The following LAMA1 variants were observed in gnomAD, a reference collection of about 807,000 sequenced individuals.
LAMA1 encodes the protein laminin subunit alpha-1.
A neutral mutation model predicts 348.7 loss-of-function variants in LAMA1; 219 were observed. That is an observed-to-expected ratio of 0.63 (90% confidence interval 0.56 to 0.70). The LOEUF is 0.70. LAMA1 is among the 30% of genes least tolerant of loss of function. The pLI is 0.00. For missense variants in LAMA1, 3,744 were observed against 3,888.0 expected (o/e 0.96, Z 0.99); for synonymous variants, 1,487 against 1,491.0 (o/e 1.00, Z 0.06).
Position 6,985,230 on chromosome 18 carries a change from T to C in LAMA1, c.5660+7A>G, listed in dbSNP as rs144775658. Reference sequence around the variant, plus strand: ...GCTCTTGAGTTCCCACAAAGGCGTGTTCCTACCTGTACAGAACATCTGCTA... The same window carrying C: ...GCTCTTGAGTTCCCACAAAGGCGTGCTCCTACCTGTACAGAACATCTGCTA... On this transcript the variant is annotated splice_region_variant and intron_variant, in intron 39 of 62. Transcript: ENST00000389658. 1.2e-3 allele frequency: 1,946 copies of C among 1,614,042 alleles called. 58 individuals carry two copies. The Admixed American group carries it at 0.031, about 26-fold the overall frequency.
chr18:6,955,625 T>C, intron 56 of LAMA1, 160 bp from the exon 57 acceptor site: 1 of 699,560 alleles, frequency 1.4e-6, no homozygotes, highest in Non-Finnish European at 2.6e-6. Context: ...GTTTAAATGA[T>C]GCACTCGCCA....
chr18:6,994,627 A>G (rs1308990572), intron 34 of LAMA1, among the ~76,000 whole-genome samples: 2 of 151,870 alleles, frequency 1.3e-5, no homozygotes, highest in Non-Finnish European at 2.9e-5. Flanking sequence ...GCATGTGTTG[A>G]TGGAGATTAG....
chr18:7,032,933 T>G (rs1476632256), intron 15 of LAMA1, 51 bp downstream of exon 15: 2 of 1,367,620 alleles, frequency 1.5e-6, no homozygotes, highest in Admixed American at 3.9e-5. Context: ...GTGCACTGTT[T>G]TCCCCTTAGG....
At chr18:7,110,888 T>TCC (rs35705241) in intron 1 of LAMA1, among the ~76,000 whole-genome samples, 4 of 143,060 alleles carry the variant, frequency 2.8e-5, no homozygotes, top group Non-Finnish European at 6.3e-5. Context: ...TTTTTTTCCC[T>TCC]CCCCCCCCCC....
At position 6,949,204 on chromosome 18, in the gene LAMA1, G is replaced by T. The variant is rs146003003; in HGVS notation, c.8453C>A (p.Ser2818Tyr). 1 of 1,614,196 alleles carries T rather than the reference G, an allele frequency of 6.2e-7. No individual in the cohort carries two copies. The highest frequency in any genetic ancestry group is 8.5e-7 in the Non-Finnish European group (1 of 1,180,034). The change falls in exon 59 of 63, where the codon TCT becomes TAT. Residue 2818 changes from serine (S) to tyrosine (Y), a missense_variant. Coordinates refer to ENST00000389658, the MANE Select transcript of LAMA1 (RefSeq NM_005559.4). ...KGFITVDGRESPMVTVVGDGT... is the reference protein window; with the variant it reads ...KGFITVDGREYPMVTVVGDGT... ...ATCTCCCACCACAGTCACCATGGGA[G>T]ACTCTCGGCCGTCGACAGTTATGAA... is the stretch of plus-strand genomic sequence containing the variant.
In LAMA1 at chr18:7,050,789, T is replaced by C. The variant is rs1338623969; in HGVS notation, c.493A>G (p.Ile165Val). The change falls in exon 4 of 63, where the codon ATA becomes GTA. Residue 165 changes from isoleucine (I) to valine (V), a missense_variant. By Grantham distance (29) the Ile-to-Val change is conservative (BLOSUM62 3). Around this residue, in one of 3 missense-constraint regions of LAMA1, gnomAD observed 1,529 missense variants for 1,689.4 expected, o/e 0.91. Coordinates refer to ENST00000389658, the MANE Select transcript of LAMA1 (RefSeq NM_005559.4). ...SDSECLSRYN[I>V]TPRRGPPTYR... ...GTGGGTGGCCCTCGTCTTGGAGTTA[T>C]ATTGTAACGAGACAAACACTCTGAG... is the stretch of plus-strand genomic sequence containing the variant. 6 of 1,614,176 alleles carry C rather than the reference T, an allele frequency of 3.7e-6. No homozygotes were observed. Among genetic ancestry groups the C allele is most frequent in the East Asian group, 2.2e-5 (1 of 44,888 alleles).
At chr18:7,016,795 T>C in intron 20 of LAMA1, 124 bp from the exon 21 acceptor site, 2 of 841,598 alleles carry the variant, frequency 2.4e-6, no homozygotes. Flanking sequence ...CATGACACCA[T>C]CCCCATCCCT....
chr18:7,002,275 G>C lies in LAMA1; in HGVS notation c.4371C>G (p.Ser1457Arg), dbSNP rs2057810988. The change falls in exon 30 of 63, where the codon AGC becomes AGG. Residue 1457 changes from serine (S) to arginine (R), a missense_variant. Coordinates refer to ENST00000389658, the MANE Select transcript of LAMA1 (RefSeq NM_005559.4). ...CTGTGGGGACTCACCTGGCAGGAGGGCTGTGAGGACAGGCACACAGAGCAC... is the reference window on the plus strand; with the variant it reads ...CTGTGGGGACTCACCTGGCAGGAGGCCTGTGAGGACAGGCACACAGAGCAC... ...SDCALCACPH[S>R]PPASFSPTCV... 6.2e-7 allele frequency: 1 copy of C among 1,612,276 alleles called. No individual in the cohort carries two copies. Among genetic ancestry groups the C allele is most frequent in the African/African-American group, 1.3e-5 (1 of 75,058 alleles).
At chr18:6,998,332 C>A (rs2057792277) in intron 32 of LAMA1, among the ~76,000 whole-genome samples, 1 of 152,152 alleles carries the variant, frequency 6.6e-6, no homozygotes, top group African/African-American at 2.4e-5. Context: ...GCCAGGGAAG[C>A]AAAGGCAAGG....
Position 7,085,164 on chromosome 18 carries a change from C to T in LAMA1, c.62-4707G>A, listed in dbSNP as rs1486162236. 2.0e-5 allele frequency among the ~76,000 whole-genome samples: 3 copies of T among 152,068 alleles called. No individual in the cohort carries two copies. In the East Asian group the frequency reaches 5.8e-4, roughly 29 times the overall value. ...AGGATCTGAGGCAATATTTCCAGAT[C>T]ATTTTTTTCCAGAATGAAACAAGAG... On this transcript the variant is annotated intron_variant, in intron 1 of 62. Transcript: ENST00000389658.
chr18:7,061,228 C>A (rs8090068), intron 3 of LAMA1, among the ~76,000 whole-genome samples: 5,736 of 152,266 alleles, frequency 0.038, 282 homozygotes, highest in East Asian at 0.2. Context: ...GTTGTCTTCC[C>A]TTCCTAGTCT....
intron 16 of LAMA1, among the ~76,000 whole-genome samples, chr18:7,029,088 A>G (rs1224042254): frequency 1.3e-5 from 2 of 152,194 alleles, no homozygotes; most frequent in Non-Finnish European, 2.9e-5. Flanking sequence ...AAGCATTTGT[A>G]TTACATCCAT....
rs2057592090 is a variant in LAMA1 at position 6,958,629 on chromosome 18, A to G, written c.7812T>C (p.Pro2604=). ...CTAATGTGCCCAACTTCATTTCCAC[A>G]GGATTGTTCTCATCCAATTGGACAG... ...IITVQLDENN[P]VEMKLGTLVE... is the part of the protein sequence containing the mutation. The change falls in exon 55 of 63, where the codon CCT becomes CCC. Residue 2604 remains proline (P), a synonymous_variant. Transcript: ENST00000389658. The G allele has an allele frequency of 4.3e-6, 7 of 1,614,168 alleles. No homozygotes were observed. The East Asian group carries it at 1.6e-4, about 36-fold the overall frequency.
At chr18:6,946,484 G>GC (rs780537018) in intron 61 of LAMA1, among the ~76,000 whole-genome samples, 1 of 152,034 alleles carries the variant, frequency 6.6e-6, no homozygotes, top group Non-Finnish European at 1.5e-5. Flanking sequence ...ACTTTGGGAG[G>GC]CGAGGCGGGC....
rs780062743 is a variant in LAMA1 at position 7,007,280 on chromosome 18, AGG to A, written c.4123-6_4123-5del. 2.3e-5 allele frequency: 37 copies of A among 1,613,056 alleles called. No individual in the cohort carries two copies. The highest frequency in any genetic ancestry group is 3.1e-5 in the Non-Finnish European group (36 of 1,179,458). ...TGTGGTACCCAGGGGCGCAGTCCTG[AGG>A]GGGTGCAAAAGGGAGGACAAAAAAG... On this transcript the variant is annotated splice_polypyrimidine_tract_variant and splice_region_variant and intron_variant, in intron 28 of 62. Coordinates refer to ENST00000389658, the MANE Select transcript of LAMA1 (RefSeq NM_005559.4).
rs1459169952 is a variant in LAMA1, at chr18:7,032,161, A to G, written c.2179T>C (p.Tyr727His). 8 of 1,613,734 alleles carry G rather than the reference A, an allele frequency of 5.0e-6. No individual in the cohort carries two copies. The highest frequency in any genetic ancestry group is 6.8e-6 in the Non-Finnish European group (8 of 1,179,610). The change falls in exon 16 of 63, where the codon TAT becomes CAT. Residue 727 changes from tyrosine to histidine, a missense_variant. Transcript: ENST00000389658. The stretch of plus-strand genomic sequence containing the variant: ...AAGAGTATTCCATCCACGCGGTAAT[A>G]GCCAGAGAGGCACGACTGCAAGAGA... ...GTSCESCLSG[Y>H]YRVDGILFGG...
At chr18:7,097,415 C>G (rs905296914) in intron 1 of LAMA1, among the ~76,000 whole-genome samples, 2 of 150,970 alleles carry the variant, frequency 1.3e-5, no homozygotes, top group East Asian at 3.9e-4. Context: ...TATTCATGAA[C>G]GGGAAGATTC....
chr18:7,076,485 T>C (rs926879591), intron 3 of LAMA1, among the ~76,000 whole-genome samples: 4 of 152,146 alleles, frequency 2.6e-5, no homozygotes, highest in Non-Finnish European at 5.9e-5. Context: ...ATATGTTAAA[T>C]AAAACCATGA....
intron 33 of LAMA1, among the ~76,000 whole-genome samples, chr18:6,997,490 T>G (rs2057786952): frequency 6.6e-6 from 1 of 152,124 alleles, no homozygotes; most frequent in South Asian, 2.1e-4. Context: ...GCAGCATTGA[T>G]GAGGAGTCCT....
Sources: gnomAD v4.1 joint callset for allele counts (sites outside exome capture counted in the v4.1 genomes callset) on GRCh38, gnomAD v4.1.1 for gene constraint, gnomAD v4.1.1 regional missense constraint, MANE v1.5 for transcripts, NCBI Gene and HGNC (gene_info 2026-07-23, HGNC 2026-07-21) for gene names.